ARMC3: variants seen among roughly 807,000 people sequenced by gnomAD.
ARMC3 encodes armadillo repeat containing 3, also known as armadillo repeat-containing protein 3.
A neutral mutation model predicts 90.3 loss-of-function variants in ARMC3; 74 were observed. The observed-to-expected ratio is 0.82, with a 90% CI of 0.68 to 0.99. The LOEUF is 0.99. ARMC3 is among the 50% of genes least tolerant of loss of function. The pLI is 0.00. For missense variants in ARMC3, 958 were observed against 1,042.8 expected (o/e 0.92, Z 1.12); for synonymous variants, 334 against 361.8 (o/e 0.92, Z 0.87).
intron 8 of ARMC3, among the ~76,000 whole-genome samples, chr10:22,978,188 A>G (rs1377780515): frequency 6.6e-6 from 1 of 152,120 alleles, no homozygotes; most frequent in East Asian, 1.9e-4. Flanking sequence ...TTGTTGTATT[A>G]GTCTGTTCTC....
At chr10:23,004,459 G>A (rs1178631539) in intron 13 of ARMC3, among the ~76,000 whole-genome samples, 1 of 152,146 alleles carries the variant, frequency 6.6e-6, no homozygotes, top group African/African-American at 2.4e-5. Context: ...ACAGACAGGA[G>A]CAAGAGGGCT....
In ARMC3 at chr10:22,998,152, G is replaced by T. The variant is rs148979623; in HGVS notation, c.1180G>T (p.Ala394Ser). ...TTCNPANANAAAEADGIDPLI... is the reference protein window; with the variant it reads ...TTCNPANANASAEADGIDPLI... Reference sequence around the variant, plus strand: ...ATTTCTCTTTCATTTACTCAGCGCTGCTGCTGAAGCTGATGGTATTGATCC... The same window carrying T: ...ATTTCTCTTTCATTTACTCAGCGCTTCTGCTGAAGCTGATGGTATTGATCC... Residue 394 changes from alanine (A) to serine (S), a missense_variant, in exon 11 of 19, where the codon GCT becomes TCT. By Grantham distance (99) the Ala-to-Ser change is moderately conservative. Transcript: ENST00000298032. The T allele has an allele frequency of 3.0e-4, 492 of 1,613,676 alleles. 1 individual carries two copies. The Middle Eastern group carries it at 6.1e-3, about 20-fold the overall frequency.
At position 22,938,986 on chromosome 10, in the gene ARMC3, G is replaced by A. The variant is rs117707388; in HGVS notation, c.48+6942G>A. Among the ~76,000 whole-genome samples the A allele has an allele frequency of 2.2e-3, 337 of 152,302 alleles. 6 individuals are homozygous for A. Among genetic ancestry groups the A allele is most frequent in the Admixed American group, 0.018 (271 of 15,300 alleles). Reference sequence around the variant, plus strand: ...TCTCAAGAAGTCCTGGGTGACATGTGACATGGTGCTCCCAGATGGTGGCTT... The same window carrying A: ...TCTCAAGAAGTCCTGGGTGACATGTAACATGGTGCTCCCAGATGGTGGCTT... On this transcript the variant is annotated intron_variant, in intron 2 of 18. Coordinates refer to ENST00000298032, the MANE Select transcript of ARMC3 (RefSeq NM_173081.5).
chr10:23,011,753 A>G (rs572216514), intron 16 of ARMC3, among the ~76,000 whole-genome samples: 15 of 152,310 alleles, frequency 9.8e-5, no homozygotes, highest in Non-Finnish European at 1.8e-4. Context: ...TCTGGCCCCA[A>G]TTCCAAAACA....
intron 16 of ARMC3, among the ~76,000 whole-genome samples, chr10:23,016,544 G>T (rs1260844147): frequency 1.3e-5 from 2 of 152,130 alleles, no homozygotes; most frequent in Non-Finnish European, 2.9e-5. Context: ...ACCAAAAACT[G>T]ATGCTCTGAG....
intron 13 of ARMC3, among the ~76,000 whole-genome samples, chr10:23,005,980 T>G (rs1002797922): frequency 4.0e-5 from 6 of 151,880 alleles, no homozygotes; most frequent in Non-Finnish European, 8.8e-5. Context: ...CGGTTGCAAT[T>G]TTAGAAGTTG....
intron 7 of ARMC3, among the ~76,000 whole-genome samples, chr10:22,963,458 C>A (rs17531316): frequency 0.061 from 9,292 of 152,014 alleles, 398 homozygotes; most frequent in Middle Eastern, 0.12. Flanking sequence ...GAGAGTGAAA[C>A]ATCAAAATTC....
chr10:22,961,834 A>C, intron 6 of ARMC3, 50 bp from the exon 7 acceptor site: 1 of 1,408,206 alleles, frequency 7.1e-7, no homozygotes, highest in South Asian at 1.4e-5. Context: ...TCCATTCTTG[A>C]GGATGTATTT....
At position 22,993,885 on chromosome 10, in the gene ARMC3, G is replaced by A. The variant is rs751830350; in HGVS notation, c.1176-4263G>A. Among the ~76,000 whole-genome samples, 268 of 152,116 alleles carry A rather than the reference G, an allele frequency of 1.8e-3. 9 individuals carry two copies. The highest frequency in any genetic ancestry group is 5.8e-4 in the East Asian group (3 of 5,188). ...ACAATATTTTTAGTGAGCCATAGAC[G>A]CTATTTGTGTTTGAATTTTTCCTCA... On this transcript the variant is annotated intron_variant, in intron 10 of 18. Coordinates refer to ENST00000298032, the MANE Select transcript of ARMC3 (RefSeq NM_173081.5).
intron 15 of ARMC3, among the ~76,000 whole-genome samples, 153 bp downstream of exon 15, chr10:23,008,527 A>G (rs1400411988): frequency 6.6e-6 from 1 of 152,204 alleles, no homozygotes; most frequent in African/African-American, 2.4e-5. Context: ...TATGGGAAAG[A>G]TCTCTGGAAT....
At chr10:22,984,047 T>G (rs1194378406) in intron 10 of ARMC3, among the ~76,000 whole-genome samples, 2 of 152,326 alleles carry the variant, frequency 1.3e-5, no homozygotes, top group South Asian at 2.1e-4. Context: ...CATACATAAG[T>G]AGCATAGGAG....
chr10:22,948,886 A>G (rs747107594), intron 3 of ARMC3, among the ~76,000 whole-genome samples: 3 of 152,218 alleles, frequency 2.0e-5, no homozygotes, highest in African/African-American at 2.4e-5. Context: ...TCATTCTTGT[A>G]TTTAGAAGAG....
At chr10:23,024,410 A>T (rs1219277722) in intron 16 of ARMC3, among the ~76,000 whole-genome samples, 4 of 126,686 alleles carry the variant, frequency 3.2e-5, no homozygotes, top group African/African-American at 1.0e-4. Flanking sequence ...AGATAGATAG[A>T]TAGATAGATA....
chr10:22,981,833 A>G, intron 10 of ARMC3, 133 bp downstream of exon 10: 1 of 738,034 alleles, frequency 1.4e-6, no homozygotes. Context: ...GTTATTCTTC[A>G]GAATCCCTTA....
At chr10:22,973,759 T>C (rs1215148158) in intron 8 of ARMC3, among the ~76,000 whole-genome samples, 2 of 135,366 alleles carry the variant, frequency 1.5e-5, no homozygotes, top group African/African-American at 2.8e-5. Flanking sequence ...CTTTCTTTTT[T>C]TTTTTTTTTT....
At chr10:22,935,680 T>C (rs1452926903) in intron 2 of ARMC3, among the ~76,000 whole-genome samples, 3 of 152,150 alleles carry the variant, frequency 2.0e-5, no homozygotes, top group Non-Finnish European at 4.4e-5. Flanking sequence ...TATGAATTAA[T>C]AAAAAATATA....
chr10:23,037,199 C>A, intron 18 of ARMC3, 71 bp from the exon 19 acceptor site: 15 of 1,314,006 alleles, frequency 1.1e-5, no homozygotes, highest in South Asian at 1.7e-5. Context: ...TCAAGGTGTG[C>A]AATTACAAAT....
rs375517987 is a variant in ARMC3, at chr10:22,965,352, G to A, written c.733-2954G>A. ...TACAAAATTCTTGGCTGCTAGTTTTGTTTTCAGCATTTTTAAATTTCTTCT... is the reference window on the plus strand; with the variant it reads ...TACAAAATTCTTGGCTGCTAGTTTTATTTTCAGCATTTTTAAATTTCTTCT... On this transcript the variant is annotated intron_variant, in intron 7 of 18. Coordinates refer to ENST00000298032, the MANE Select transcript of ARMC3 (RefSeq NM_173081.5). 5.9e-5 allele frequency among the ~76,000 whole-genome samples: 9 copies of A among 152,154 alleles called. No homozygotes were observed. In the East Asian group the frequency reaches 7.7e-4, roughly 13 times the overall value.
intron 1 of ARMC3, among the ~76,000 whole-genome samples, chr10:22,929,306 AAAAGAAAAAG>A (rs1564332113): frequency 7.2e-6 from 1 of 138,308 alleles, no homozygotes; most frequent in Non-Finnish European, 1.5e-5. Flanking sequence ...AAGAGAAAGA[AAAAGAAAAAG>A]AAAGGAAAGG....
Sources: gnomAD v4.1 joint callset for allele counts (sites outside exome capture counted in the v4.1 genomes callset) on GRCh38, gnomAD v4.1.1 for gene constraint, MANE v1.5 for transcripts, NCBI Gene and HGNC (gene_info 2026-07-23, HGNC 2026-07-21) for gene names.